ECT2: variants seen among roughly 807,000 people sequenced by gnomAD.
ECT2 encodes the protein protein ECT2.
In ECT2, 61 loss-of-function variants were observed where a neutral mutation model predicts 116.9. The ratio of observed to expected loss-of-function variants is 0.52; its 90% CI spans 0.42 to 0.65. The LOEUF (loss-of-function observed/expected upper bound fraction) is 0.65, where lower values mean the gene tolerates loss of function less well. Ranked by LOEUF, ECT2 falls within the 30% of genes least tolerant of loss-of-function variation. ECT2 has a pLI of 0.00. For synonymous variants in ECT2, 358 were observed against 346.4 expected (o/e 1.03, Z -0.37); for missense variants, 937 against 1,078.7 (o/e 0.87, Z 1.84).
At position 172,785,517 on chromosome 3, in the gene ECT2, T is replaced by TA. The variant is rs200910980; in HGVS notation, c.1825+727dup. The stretch of plus-strand genomic sequence containing the variant: ...CAGGGACCCTGTCTCTAAAAATAAT[T>TA]AAAAAAAAAAAAAGAAGGATAACTA... On this transcript the variant is annotated intron_variant, in intron 17 of 24. Coordinates refer to ENST00000392692, the MANE Select transcript of ECT2 (RefSeq NM_001258315.2). Among the ~76,000 whole-genome samples, 948 of 133,596 alleles carry TA rather than the reference T, an allele frequency of 7.1e-3. 6 individuals carry two copies. The highest frequency in any genetic ancestry group is 0.02 in the African/African-American group (746 of 36,582). 87.6% of individuals were successfully genotyped at this position (133,596 alleles called of 152,430 possible).
intron 18 of ECT2, 34 bp downstream of exon 18, chr3:172,786,608 T>A: frequency 7.2e-7 from 1 of 1,397,192 alleles, no homozygotes. Context: ...TGATTGTGCC[T>A]TAGATTTCGA....
chr3:172,772,868 C>T (rs1720909109), intron 13 of ECT2, among the ~76,000 whole-genome samples: 1 of 152,140 alleles, frequency 6.6e-6, no homozygotes. Flanking sequence ...GAAAGACTAT[C>T]CTTCTGCATT....
chr3:172,772,511 A>G (rs1720853283), intron 13 of ECT2, among the ~76,000 whole-genome samples: 1 of 152,132 alleles, frequency 6.6e-6, no homozygotes, highest in Admixed American at 6.5e-5. Context: ...TTCTTTATAT[A>G]TTGTGGATAC....
chr3:172,756,878 A>C (rs1344789145), intron 4 of ECT2, 105 bp from the exon 5 acceptor site: 1 of 932,834 alleles, frequency 1.1e-6, no homozygotes, highest in African/African-American at 1.7e-5. Flanking sequence ...AAATATAAAC[A>C]TGTTAAAGTT....
chr3:172,811,206 GTTGT>G (rs1560023380), intron 22 of ECT2, among the ~76,000 whole-genome samples: 1 of 151,764 alleles, frequency 6.6e-6, no homozygotes, highest in Non-Finnish European at 1.5e-5. Flanking sequence ...TTTTGTCTTC[GTTGT>G]TTGTTTTTAA....
At chr3:172,805,315 T>C (rs895048825) in intron 20 of ECT2, among the ~76,000 whole-genome samples, 1 of 152,204 alleles carries the variant, frequency 6.6e-6, no homozygotes, top group Non-Finnish European at 1.5e-5. Flanking sequence ...AAATTAACAC[T>C]TGTTATTGTT....
intron 15 of ECT2, among the ~76,000 whole-genome samples, chr3:172,782,911 A>G (rs1340643357): frequency 1.3e-5 from 2 of 151,840 alleles, no homozygotes; most frequent in Non-Finnish European, 2.9e-5. Flanking sequence ...TCCATAGTGT[A>G]TATGTACCAC....
At chr3:172,823,715 AC>A (rs1350103153), downstream of ECT2, among the ~76,000 whole-genome samples, 2 of 152,212 alleles carry the variant, frequency 1.3e-5, no homozygotes, top group South Asian at 2.1e-4. Flanking sequence ...GTCTAAAAAA[AC>A]AATGTTCATA....
At position 172,816,779 on chromosome 3, in the gene ECT2, G is replaced by C. The variant is rs1433728529; in HGVS notation, c.2597G>C (p.Ser866Thr). ...MTSHGSVEGR[S>T]PSSNDKHVMS... Reference sequence around the variant, plus strand: ...TCCCACGGCTCAGTGGAGGGAAGAAGTCCTTCCAGCAATGATAAGCATGTA... The same window carrying C: ...TCCCACGGCTCAGTGGAGGGAAGAACTCCTTCCAGCAATGATAAGCATGTA... Residue 866 changes from serine to threonine, a missense_variant, in exon 24 of 25, where the codon AGT becomes ACT. Coordinates refer to ENST00000392692, the MANE Select transcript of ECT2 (RefSeq NM_001258315.2). The C allele has an allele frequency of 6.2e-7, 1 of 1,610,756 alleles. No homozygotes were observed. Among genetic ancestry groups the C allele is most frequent in the Non-Finnish European group, 8.5e-7 (1 of 1,177,820 alleles).
intron 13 of ECT2, 64 bp from the exon 14 acceptor site, chr3:172,773,839 G>T: frequency 6.7e-7 from 1 of 1,501,324 alleles, no homozygotes; most frequent in Non-Finnish European, 9.2e-7. Context: ...CTTTATCACT[G>T]TCTATCTTTT....
intron 14 of ECT2, among the ~76,000 whole-genome samples, chr3:172,775,817 G>A (rs1721555562): frequency 1.3e-5 from 2 of 151,864 alleles, no homozygotes; most frequent in African/African-American, 4.8e-5. Flanking sequence ...TATATTTAGT[G>A]GATCTGGGAT....
chr3:172,789,320 C>T (rs1482004661), intron 18 of ECT2, among the ~76,000 whole-genome samples: 4 of 151,340 alleles, frequency 2.6e-5, no homozygotes, highest in Non-Finnish European at 5.9e-5. Context: ...CCTCCCACCT[C>T]ATCCTCTTGA....
At chr3:172,812,247 A>G (rs1728907935) in intron 22 of ECT2, among the ~76,000 whole-genome samples, 1 of 152,170 alleles carries the variant, frequency 6.6e-6, no homozygotes, top group African/African-American at 2.4e-5. Context: ...CTGGGGGCCT[A>G]TCACAGTGCT....
downstream of ECT2, among the ~76,000 whole-genome samples, chr3:172,825,909 C>G (rs768080302): frequency 3.9e-5 from 6 of 152,026 alleles, no homozygotes; most frequent in Non-Finnish European, 7.4e-5. Context: ...TTCTTTTTTT[C>G]TTTGAGATGG....
intron 24 of ECT2, chr3:172,818,927 A>AT: frequency 2.3e-6 from 2 of 851,646 alleles, no homozygotes; most frequent in South Asian, 4.8e-5. Flanking sequence ...TCACAATGTT[A>AT]TGACTGCTTT....
chr3:172,792,590 T>A (rs991536219), intron 18 of ECT2, among the ~76,000 whole-genome samples: 1 of 152,224 alleles, frequency 6.6e-6, no homozygotes, highest in African/African-American at 2.4e-5. Flanking sequence ...TTTGGTTGTT[T>A]CCAGTTCTTG....
intron 17 of ECT2, among the ~76,000 whole-genome samples, chr3:172,785,558 A>G (rs2108730625): frequency 6.6e-6 from 1 of 152,126 alleles, no homozygotes; most frequent in Non-Finnish European, 1.5e-5. Flanking sequence ...TAAACAGGAA[A>G]AAGTCTATAA....
intron 21 of ECT2, 51 bp from the exon 22 acceptor site, chr3:172,807,719 T>C (rs111699912): frequency 1.0e-5 from 16 of 1,553,694 alleles, no homozygotes; most frequent in African/African-American, 9.6e-5. Context: ...CATACATCTG[T>C]CATTTTCCAA....
chr3:172,758,870 T>A, intron 5 of ECT2, 110 bp from the exon 6 acceptor site: 1 of 908,258 alleles, frequency 1.1e-6, no homozygotes, highest in Non-Finnish European at 1.7e-6. Flanking sequence ...ATCTTTGGAT[T>A]GGGAAAGTTG....
Sources: gnomAD v4.1 joint callset for allele counts (sites outside exome capture counted in the v4.1 genomes callset) on GRCh38, gnomAD v4.1.1 for gene constraint, MANE v1.5 for transcripts, NCBI Gene and HGNC (gene_info 2026-07-23, HGNC 2026-07-21) for gene names.